Variants in MYH14 observed in about 807,000 individuals in gnomAD.
MYH14 encodes the protein myosin heavy chain 14, also known as myosin-14.
A neutral mutation model predicts 255.5 loss-of-function variants in MYH14; 123 were observed. The ratio of observed to expected loss-of-function variants is 0.48; its 90% CI spans 0.42 to 0.56. MYH14 has a LOEUF of 0.56. Among genes scored for constraint, MYH14 ranks in the 20% least tolerant of loss-of-function variants. The pLI is 0.00. For synonymous variants in MYH14, 1,095 were observed against 1,161.2 expected (o/e 0.94, Z 1.16); for missense variants, 2,423 against 2,802.3 (o/e 0.86, Z 3.06).
At chr19:50,304,668 A>G (rs1206515723) in intron 40 of MYH14, among the ~76,000 whole-genome samples, 2 of 152,192 alleles carry the variant, frequency 1.3e-5, no homozygotes, top group African/African-American at 2.4e-5. Flanking sequence ...AAGTATGTCT[A>G]ATTACCTCCA....
At position 50,271,393 on chromosome 19, in the gene MYH14, T is replaced by A; in HGVS notation, c.3034-16T>A. 6.3e-7 allele frequency: 1 copy of A among 1,593,856 alleles called. No individual in the cohort carries two copies. Among genetic ancestry groups the A allele is most frequent in the Non-Finnish European group, 8.5e-7 (1 of 1,170,760 alleles). On this transcript the variant is annotated splice_polypyrimidine_tract_variant and intron_variant, in intron 24 of 42. Transcript: ENST00000642316. ...ATTGGCCCAGTATCCTCACTCCTCC[T>A]GCCTTCCCACCCCAGGAGCTAGAGG...
At chr19:50,261,948 G>A (rs188091453) in intron 21 of MYH14, among the ~76,000 whole-genome samples, 2 of 152,272 alleles carry the variant, frequency 1.3e-5, no homozygotes, top group East Asian at 1.9e-4. Flanking sequence ...GAGAAAGCCC[G>A]GGGCAACCCA....
chr19:50,291,082 C>T, intron 36 of MYH14, 34 bp downstream of exon 36: 1 of 1,603,738 alleles, frequency 6.2e-7, no homozygotes, highest in Non-Finnish European at 8.5e-7. Flanking sequence ...GGAGGGGAGG[C>T]TTTGGTGTCT....
At chr19:50,235,398 G>C (rs1600905746) in intron 10 of MYH14, among the ~76,000 whole-genome samples, 1 of 150,544 alleles carries the variant, frequency 6.6e-6, no homozygotes, top group Non-Finnish European at 1.5e-5. Context: ...GCTCCAGCTG[G>C]CCCCCCAGCT....
intron 34 of MYH14, among the ~76,000 whole-genome samples, chr19:50,287,410 TTTTTG>T (rs939008748): frequency 1.3e-5 from 2 of 152,322 alleles, no homozygotes; most frequent in Admixed American, 6.5e-5. Flanking sequence ...TTTTGTTTGT[TTTTTG>T]TTTTGTTTTA....
At chr19:50,265,752 TG>T (rs1282383344) in intron 22 of MYH14, among the ~76,000 whole-genome samples, 1 of 151,078 alleles carries the variant, frequency 6.6e-6, no homozygotes, top group Non-Finnish European at 1.5e-5. Flanking sequence ...ACTTGGAAGG[TG>T]AAGGTTGCAG....
intron 8 of MYH14, among the ~76,000 whole-genome samples, chr19:50,227,623 G>A (rs1048120822): frequency 1.9e-4 from 29 of 152,192 alleles, no homozygotes; most frequent in African/African-American, 7.0e-4. Context: ...ACGCTAGCCA[G>A]GGGCCCACCT....
rs748799312 is a variant in MYH14, at chr19:50,299,964, AAAC to A, written c.5470-1682_5470-1680del. On this transcript the variant is annotated intron_variant, in intron 39 of 42. Coordinates refer to ENST00000642316, the MANE Select transcript of MYH14 (RefSeq NM_001145809.2). ...TGTCTCAAAACAAACAAAAACAAACAAACAACAACAACAACAAACCCACATACA... is the reference window on the plus strand; with the variant it reads ...TGTCTCAAAACAAACAAAAACAAACAAACAACAACAACAAACCCACATACA... Among the ~76,000 whole-genome samples the A allele has an allele frequency of 2.0e-3, 297 of 152,030 alleles. 1 individual carries two copies. The highest frequency in any genetic ancestry group is 6.8e-3 in the African/African-American group (282 of 41,358).
rs2035507028 is a variant in MYH14, at chr19:50,276,307, C to T, written c.3680+104C>T. ...TCTATACAGAGGCTTACTTATTGTACAGTTGTTCATGAACCACCGGCTCTA... is the reference window on the plus strand; with the variant it reads ...TCTATACAGAGGCTTACTTATTGTATAGTTGTTCATGAACCACCGGCTCTA... On this transcript the variant is annotated intron_variant, in intron 28 of 42. Coordinates refer to ENST00000642316, the MANE Select transcript of MYH14 (RefSeq NM_001145809.2). This position sits in a 1 kb window ranked among gnomAD's most constrained non-coding sequence, Gnocchi z 4.3. 1.0e-6 allele frequency: 1 copy of T among 967,060 alleles called. No individual in the cohort carries two copies. The allele number at this position is 967,060 out of a possible 1,614,324, so 59.9% of individuals were successfully genotyped here.
chr19:50,310,000 A>T lies in MYH14; in HGVS notation c.*210A>T. Reference sequence around the variant, plus strand: ...ACACAGAGGAGCGGGGCAGGCAGGGAGGCAATGACTGGAGCTACCTTGCTT... The same window carrying T: ...ACACAGAGGAGCGGGGCAGGCAGGGTGGCAATGACTGGAGCTACCTTGCTT... On this transcript the variant is annotated 3_prime_UTR_variant, in exon 43 of 43. Coordinates refer to ENST00000642316, the MANE Select transcript of MYH14 (RefSeq NM_001145809.2). The T allele has an allele frequency of 1.5e-6, 1 of 661,640 alleles. No homozygotes were observed. The highest frequency in any genetic ancestry group is 2.7e-6 in the Non-Finnish European group (1 of 375,104). The allele number at this position is 661,640 out of a possible 1,614,324, so 41.0% of individuals were successfully genotyped here.
In MYH14 at chr19:50,280,098, G is replaced by A. The variant is rs202225655; in HGVS notation, c.4094G>A (p.Ser1365Asn). Residue 1365 changes from serine (S) to asparagine (N), a missense_variant, in exon 31 of 43, where the codon AGC (serine) becomes AAC (asparagine). By Grantham distance (46) the Ser-to-Asn change is conservative. Around this residue, in one of 3 missense-constraint regions of MYH14, gnomAD observed 1,513 missense variants for 1,674.8 expected, o/e 0.90. Transcript: ENST00000642316. This position sits in a 1 kb window ranked among gnomAD's most constrained non-coding sequence, Gnocchi z 4.8. ...GCTGAGTCCAAAACCATCCGTCTTAGCAAGGAGCTGAGCAGCACAGAAGCC... is the reference window on the plus strand; with the variant it reads ...GCTGAGTCCAAAACCATCCGTCTTAACAAGGAGCTGAGCAGCACAGAAGCC... ...NEAESKTIRL[S>N]KELSSTEAQL... 1,666 of 1,610,186 alleles carry A rather than the reference G, an allele frequency of 1.0e-3. 7 individuals are homozygous for A. Among genetic ancestry groups the A allele is most frequent in the Non-Finnish European group, 7.7e-4 (909 of 1,178,344 alleles).
rs1336100675 is a variant in MYH14, at chr19:50,278,184, G to A, written c.3927G>A (p.Glu1309=). The A allele has an allele frequency of 5.6e-6, 9 of 1,612,126 alleles. No homozygotes were observed. Among genetic ancestry groups the A allele is most frequent in the Non-Finnish European group, 5.9e-6 (7 of 1,179,230 alleles). ...SSLQTARQEG[E]QRRRRLELQL... is the part of the protein sequence containing the mutation. ...TGCAGACTGCACGTCAGGAGGGTGAGCAGCGGAGGCGCCGCCTGGAGTTAC... is the reference window on the plus strand; with the variant it reads ...TGCAGACTGCACGTCAGGAGGGTGAACAGCGGAGGCGCCGCCTGGAGTTAC... The change falls in exon 30 of 43, where the codon GAG becomes GAA. Residue 1309 remains glutamate (E), a synonymous_variant. Transcript: ENST00000642316.
At chr19:50,242,377 G>A (rs1031394267) in intron 10 of MYH14, among the ~76,000 whole-genome samples, 1 of 152,168 alleles carries the variant, frequency 6.6e-6, no homozygotes, top group Non-Finnish European at 1.5e-5. Context: ...CACGTGGCTG[G>A]GGTGGCCTCC....
At chr19:50,307,872 C>T (rs924343595) in intron 41 of MYH14, among the ~76,000 whole-genome samples, 19 of 152,188 alleles carry the variant, frequency 1.2e-4, no homozygotes, top group Admixed American at 1.0e-3. Flanking sequence ...GTGCTTTATT[C>T]GCCATTCATT....
At chr19:50,208,508 A>AT (rs2031969093) in intron 1 of MYH14, among the ~76,000 whole-genome samples, 1 of 151,008 alleles carries the variant, frequency 6.6e-6, no homozygotes, top group African/African-American at 2.5e-5. Flanking sequence ...CTGTAAAAAA[A>AT]TAAAAAAGAG....
intron 1 of MYH14, among the ~76,000 whole-genome samples, chr19:50,204,651 T>G (rs998031360): frequency 6.6e-6 from 1 of 152,204 alleles, no homozygotes; most frequent in East Asian, 1.9e-4. Context: ...TCCCAGCACT[T>G]TGGGAGGTGG....
chr19:50,232,193 G>T (rs1043213333), intron 10 of MYH14, 123 bp downstream of exon 10: 4 of 1,245,996 alleles, frequency 3.2e-6, no homozygotes, highest in Non-Finnish European at 4.5e-6. Flanking sequence ...TGCAGGCACC[G>T]GGGCCAGAGC....
chr19:50,244,482 T>G, intron 11 of MYH14, 145 bp downstream of exon 11: 9 of 33,988 alleles, frequency 2.6e-4, no homozygotes, highest in Non-Finnish European at 3.9e-4. Flanking sequence ...TTCCTGCATT[T>G]TTTTTTTTTT....
Position 50,292,335 on chromosome 19 carries a change from G to A in MYH14, c.5202G>A (p.Arg1734=), listed in dbSNP as rs768918317. 1.6e-5 allele frequency: 25 copies of A among 1,596,022 alleles called. 1 individual carries two copies. In the Admixed American group the frequency reaches 4.4e-4, roughly 28 times the overall value. ...GGGAGGAGATCTTCTCCCAGAATCG[G>A]GAAAGTGAAAAGCGCCTCAAGGGCC... ...TSREEIFSQN[R]ESEKRLKGLE... Residue 1734 remains arginine, a synonymous_variant, in exon 37 of 43, where the codon CGG becomes CGA. Coordinates refer to ENST00000642316, the MANE Select transcript of MYH14 (RefSeq NM_001145809.2).
Sources: allele counts gnomAD v4.1 joint callset (sites outside exome capture counted in the v4.1 genomes callset), GRCh38; gene constraint gnomAD v4.1.1; regional missense constraint gnomAD v4.1.1; non-coding constraint Gnocchi (gnomAD v3.1); transcripts MANE v1.5; gene names NCBI Gene and HGNC (gene_info 2026-07-23, HGNC 2026-07-21).